The following CCDC170 variants were observed in gnomAD, a reference collection of about 807,000 sequenced individuals.
CCDC170 encodes coiled-coil domain containing 170, also known as coiled-coil domain-containing protein 170.
In CCDC170, 69 loss-of-function variants were observed where a neutral mutation model predicts 72.6. That is an observed-to-expected ratio of 0.95 (90% CI 0.78 to 1.16). The LOEUF (loss-of-function observed/expected upper bound fraction) is 1.16. Ranked by LOEUF, CCDC170 falls within the 50% of genes most tolerant of loss-of-function variation. The probability of loss-of-function intolerance (pLI) is 0.00; values close to 1 mark genes in which losing one functional copy is unlikely to be tolerated. For missense variants in CCDC170, 852 were observed against 832.5 expected (o/e 1.02, Z -0.29); for synonymous variants, 300 against 303.9 (o/e 0.99, Z 0.13).
chr6:151,609,442 A>G (rs1776836574), intron 9 of CCDC170, among the ~76,000 whole-genome samples: 1 of 152,158 alleles, frequency 6.6e-6, no homozygotes, highest in African/African-American at 2.4e-5. Context: ...AAATTTGATC[A>G]TCTTCCCTTT....
chr6:151,568,099 G>A (rs1776164627), intron 5 of CCDC170, among the ~76,000 whole-genome samples: 1 of 91,248 alleles, frequency 1.1e-5, no homozygotes, highest in Non-Finnish European at 1.9e-5. Context: ...GACAGAGTGA[G>A]ACTCTGAAAA....
intron 1 of CCDC170, among the ~76,000 whole-genome samples, chr6:151,527,869 G>C (rs1782435235): frequency 6.6e-6 from 1 of 152,148 alleles, no homozygotes; most frequent in Admixed American, 6.6e-5. Context: ...GCTTTTGTGT[G>C]TTAGGGGCAG....
chr6:151,610,500 G>A (rs577092800), intron 9 of CCDC170, among the ~76,000 whole-genome samples: 35 of 152,296 alleles, frequency 2.3e-4, no homozygotes, highest in Admixed American at 5.2e-4. Context: ...GCCAAAGCAT[G>A]TGAGAGTAAG....
intron 1 of CCDC170, among the ~76,000 whole-genome samples, chr6:151,503,416 C>G (rs927342617): frequency 1.3e-5 from 2 of 151,994 alleles, no homozygotes; most frequent in Admixed American, 6.6e-5. Context: ...GTGCCAGGCC[C>G]TTGGGTGGGA....
At position 151,618,155 on chromosome 6, in the gene CCDC170, A is replaced by G. The variant is rs1777000087; in HGVS notation, c.*8A>G. 1 of 1,611,466 alleles carries G rather than the reference A, an allele frequency of 6.2e-7. No homozygotes were observed. The highest frequency in any genetic ancestry group is 2.2e-5 in the East Asian group (1 of 44,820). On this transcript the variant is annotated 3_prime_UTR_variant, in exon 11 of 11. Transcript: ENST00000239374. ...TTACAGCTTCTTCATTGAACACTGTATCTCTTGAGAGAGGTGGCCATAAGA... is the reference window on the plus strand; with the variant it reads ...TTACAGCTTCTTCATTGAACACTGTGTCTCTTGAGAGAGGTGGCCATAAGA...
At chr6:151,590,943 C>A (rs921226157) in intron 7 of CCDC170, among the ~76,000 whole-genome samples, 2 of 152,120 alleles carry the variant, frequency 1.3e-5, no homozygotes, top group African/African-American at 2.4e-5. Context: ...TTCCAGATAG[C>A]TGATACAGCA....
chr6:151,525,123 AG>A (rs1215646554), intron 1 of CCDC170, among the ~76,000 whole-genome samples: 1 of 152,028 alleles, frequency 6.6e-6, no homozygotes. Context: ...TAGTAGAGAC[AG>A]GGTTTCACTG....
chr6:151,601,711 G>C (rs1450487474), intron 9 of CCDC170, among the ~76,000 whole-genome samples: 1 of 152,196 alleles, frequency 6.6e-6, no homozygotes, highest in Non-Finnish European at 1.5e-5. Context: ...TGATATTGTA[G>C]TAAAAATATG....
At chr6:151,496,393 G>A (rs1312852957) in intron 1 of CCDC170, among the ~76,000 whole-genome samples, 1 of 152,144 alleles carries the variant, frequency 6.6e-6, no homozygotes, top group Non-Finnish European at 1.5e-5. Context: ...TGTCCATTAA[G>A]CATGAGATTT....
intron 9 of CCDC170, among the ~76,000 whole-genome samples, chr6:151,607,909 A>C (rs1358452672): frequency 6.6e-6 from 1 of 152,144 alleles, no homozygotes; most frequent in Admixed American, 6.5e-5. Flanking sequence ...TTCAACTAGT[A>C]TTTCATTGAA....
intron 1 of CCDC170, among the ~76,000 whole-genome samples, chr6:151,532,784 A>G (rs184856666): frequency 2.3e-4 from 35 of 152,326 alleles, no homozygotes; most frequent in Non-Finnish European, 4.0e-4. Flanking sequence ...AAGATTTTGA[A>G]TTTCATATGG....
At chr6:151,547,878 ATATTT>A (rs1782802130) in intron 4 of CCDC170, among the ~76,000 whole-genome samples, 1 of 152,198 alleles carries the variant, frequency 6.6e-6, no homozygotes, top group Non-Finnish European at 1.5e-5. Context: ...ACATAGAAGA[ATATTT>A]TTTTAAAAAG....
intron 9 of CCDC170, among the ~76,000 whole-genome samples, chr6:151,609,297 C>T (rs1776833537): frequency 6.6e-6 from 1 of 152,178 alleles, no homozygotes; most frequent in Non-Finnish European, 1.5e-5. Flanking sequence ...GAATCTCCCA[C>T]TTTGCTGTCC....
chr6:151,576,833 A>G (rs887699138), intron 6 of CCDC170, among the ~76,000 whole-genome samples: 7 of 152,322 alleles, frequency 4.6e-5, no homozygotes, highest in Middle Eastern at 3.4e-3. Context: ...TGTCCCTGCC[A>G]GCTGCCATGG....
At chr6:151,546,573 C>T (rs1045721558) in intron 4 of CCDC170, among the ~76,000 whole-genome samples, 2 of 152,250 alleles carry the variant, frequency 1.3e-5, no homozygotes, top group African/African-American at 4.8e-5. Flanking sequence ...ACTCCCCAGC[C>T]ACCTCCTACA....
At chr6:151,507,034 T>A (rs1782075885) in intron 1 of CCDC170, among the ~76,000 whole-genome samples, 1 of 152,198 alleles carries the variant, frequency 6.6e-6, no homozygotes, top group Non-Finnish European at 1.5e-5. Flanking sequence ...ATTGGTTCTG[T>A]TTCTCTGGAG....
At chr6:151,504,079 G>A (rs1039952927) in intron 1 of CCDC170, among the ~76,000 whole-genome samples, 1 of 152,162 alleles carries the variant, frequency 6.6e-6, no homozygotes, top group African/African-American at 2.4e-5. Flanking sequence ...GAAGAGGAAT[G>A]TCCTTGTTCT....
At chr6:151,530,003 G>GCAT (rs1404402072) in intron 1 of CCDC170, among the ~76,000 whole-genome samples, 2 of 152,034 alleles carry the variant, frequency 1.3e-5, no homozygotes, top group Non-Finnish European at 2.9e-5. Context: ...CAGAATAACA[G>GCAT]CATCAACCCA....
intron 1 of CCDC170, among the ~76,000 whole-genome samples, chr6:151,500,644 G>A (rs889350327): frequency 7.9e-5 from 12 of 152,014 alleles, no homozygotes; most frequent in Non-Finnish European, 1.6e-4. Flanking sequence ...TTAATATTAT[G>A]CAAAATACTT....
Sources: gnomAD v4.1 joint callset for allele counts (sites outside exome capture counted in the v4.1 genomes callset) on GRCh38, gnomAD v4.1.1 for gene constraint, MANE v1.5 for transcripts, NCBI Gene and HGNC (gene_info 2026-07-23, HGNC 2026-07-21) for gene names.